Variants in MARCHF1 observed in about 807,000 individuals in gnomAD.
MARCHF1 encodes the protein membrane associated ring-CH-type finger 1.
In MARCHF1, 40 loss-of-function variants were observed where a neutral mutation model predicts 54.2. The ratio of observed to expected loss-of-function variants is 0.74; its 90% CI spans 0.57 to 0.96. MARCHF1 has a LOEUF of 0.96. Among genes scored for constraint, MARCHF1 ranks in the 40% least tolerant of loss-of-function variants. The pLI is 0.00. For synonymous variants in MARCHF1, 236 were observed against 236.3 expected, an observed-to-expected ratio of 1.00 and a Z score of 0.01; for missense variants, 586 against 656.5, an observed-to-expected ratio of 0.89 and a Z score of 1.17.
intron 3 of MARCHF1, among the ~76,000 whole-genome samples, chr4:163,959,677 T>C (rs1185218128): frequency 1.3e-5 from 2 of 151,896 alleles, no homozygotes; most frequent in African/African-American, 4.8e-5. Flanking sequence ...AGAGAGATTA[T>C]GGACTTAAAT....
At chr4:163,853,447 T>C (rs1403433585) in intron 4 of MARCHF1, among the ~76,000 whole-genome samples, 1 of 152,202 alleles carries the variant, frequency 6.6e-6, no homozygotes, top group African/African-American at 2.4e-5. Flanking sequence ...TCCTAATCCC[T>C]GGAAAATGAT....
At chr4:164,022,820 C>A (rs180686684) in intron 2 of MARCHF1, among the ~76,000 whole-genome samples, 2 of 152,200 alleles carry the variant, frequency 1.3e-5, no homozygotes, top group South Asian at 2.1e-4. Context: ...GTTGCATAGG[C>A]CTTCCTGCTC....
At chr4:164,360,624 G>C (rs1317286649) in intron 1 of MARCHF1, among the ~76,000 whole-genome samples, 1 of 152,116 alleles carries the variant, frequency 6.6e-6, no homozygotes, top group Non-Finnish European at 1.5e-5. Flanking sequence ...GAGTTCTACT[G>C]AGATGGGGCT....
intron 5 of MARCHF1, among the ~76,000 whole-genome samples, chr4:163,648,405 T>G (rs1742837382): frequency 6.6e-6 from 1 of 151,960 alleles, no homozygotes; most frequent in Non-Finnish European, 1.5e-5. Flanking sequence ...AATTTATTCA[T>G]ATTCTGAACG....
At chr4:163,985,930 A>C (rs1752853284) in intron 3 of MARCHF1, among the ~76,000 whole-genome samples, 1 of 152,150 alleles carries the variant, frequency 6.6e-6, no homozygotes, top group Non-Finnish European at 1.5e-5. Context: ...TCGCCACTTG[A>C]AATTACAGAA....
At chr4:164,054,834 C>T (rs576986064) in intron 2 of MARCHF1, among the ~76,000 whole-genome samples, 3 of 148,074 alleles carry the variant, frequency 2.0e-5, no homozygotes, top group African/African-American at 5.0e-5. Context: ...TGCTAGATGA[C>T]GAGTTAGTGG....
chr4:163,951,351 G>A (rs1035731844), intron 3 of MARCHF1, among the ~76,000 whole-genome samples: 1 of 152,132 alleles, frequency 6.6e-6, no homozygotes, highest in Non-Finnish European at 1.5e-5. Flanking sequence ...ACGAACACAG[G>A]TGTAAGCCTT....
chr4:164,341,774 G>A (rs1450932234), intron 1 of MARCHF1, among the ~76,000 whole-genome samples: 1 of 152,162 alleles, frequency 6.6e-6, no homozygotes, highest in Non-Finnish European at 1.5e-5. Context: ...TCATGCTGAG[G>A]TGAGGATTTC....
chr4:164,339,981 A>G (rs559749295), intron 1 of MARCHF1, among the ~76,000 whole-genome samples: 1 of 152,286 alleles, frequency 6.6e-6, no homozygotes, highest in South Asian at 2.1e-4. Context: ...AACTTCCTAG[A>G]TATACACAAT....
chr4:163,739,528 A>G (rs552091580), intron 4 of MARCHF1, among the ~76,000 whole-genome samples: 1 of 152,340 alleles, frequency 6.6e-6, no homozygotes, highest in East Asian at 1.9e-4. Context: ...TATCTTTAAT[A>G]AAAGAACGCT....
chr4:163,712,061 T>G (rs372903886), intron 4 of MARCHF1, among the ~76,000 whole-genome samples: 23 of 152,224 alleles, frequency 1.5e-4, no homozygotes, highest in Non-Finnish European at 3.4e-4. Flanking sequence ...ATAAGAGTTA[T>G]ATTGTTTTCT....
intron 3 of MARCHF1, among the ~76,000 whole-genome samples, chr4:163,909,837 T>G (rs1303907368): frequency 6.6e-6 from 1 of 152,172 alleles, no homozygotes; most frequent in South Asian, 2.1e-4. Context: ...GACAGATATC[T>G]GAGAGTTTGC....
chr4:163,559,062 T>C (rs904663992), intron 8 of MARCHF1, among the ~76,000 whole-genome samples: 1 of 152,194 alleles, frequency 6.6e-6, no homozygotes, highest in African/African-American at 2.4e-5. Flanking sequence ...TATTTTTTCA[T>C]TTACATTTAA....
chr4:163,703,899 T>C (rs541666639), intron 4 of MARCHF1, among the ~76,000 whole-genome samples: 2 of 125,700 alleles, frequency 1.6e-5, no homozygotes, highest in South Asian at 4.8e-4. Flanking sequence ...CAAGGAAAAA[T>C]GATTACCAAA....
At chr4:163,804,166 T>G (rs185208852) in intron 4 of MARCHF1, among the ~76,000 whole-genome samples, 139 of 152,308 alleles carry the variant, frequency 9.1e-4, no homozygotes, top group Non-Finnish European at 1.6e-3. Flanking sequence ...CACTTGCTAA[T>G]AAAACCATAT....
intron 4 of MARCHF1, among the ~76,000 whole-genome samples, chr4:163,774,656 A>G (rs1320605778): frequency 2.0e-5 from 3 of 152,004 alleles, no homozygotes; most frequent in Non-Finnish European, 2.9e-5. Flanking sequence ...CAACAAGCCC[A>G]GCTAATTTTT....
At chr4:163,832,198 A>G (rs1225831755) in intron 4 of MARCHF1, among the ~76,000 whole-genome samples, 1 of 152,236 alleles carries the variant, frequency 6.6e-6, no homozygotes. Context: ...TGGGGAAAAC[A>G]GACAAATTGT....
chr4:164,196,200 T>C (rs1731252789), intron 1 of MARCHF1, among the ~76,000 whole-genome samples: 1 of 152,154 alleles, frequency 6.6e-6, no homozygotes, highest in Non-Finnish European at 1.5e-5. Flanking sequence ...GCTCAGCTTT[T>C]AAATAAAAAA....
chr4:163,854,932 C>T (rs909072736), intron 3 of MARCHF1, among the ~76,000 whole-genome samples: 2 of 152,130 alleles, frequency 1.3e-5, no homozygotes, highest in Non-Finnish European at 2.9e-5. Flanking sequence ...TTTTCCACTC[C>T]ACCACCCTCA....
Sources: gnomAD v4.1 joint callset for allele counts (sites outside exome capture counted in the v4.1 genomes callset) on GRCh38, gnomAD v4.1.1 for gene constraint, MANE v1.5 for transcripts, NCBI Gene and HGNC (gene_info 2026-07-23, HGNC 2026-07-21) for gene names.